TYW1B: variants seen among roughly 807,000 people sequenced by gnomAD.
The protein encoded by TYW1B is tRNA-yW synthesizing protein 1 homolog B, also known as S-adenosyl-L-methionine-dependent tRNA 4-demethylwyosine synthase TYW1B.
In TYW1B, 73 loss-of-function variants were observed where a neutral mutation model predicts 86.9. The ratio of observed to expected loss-of-function variants is 0.84; its 90% CI spans 0.70 to 1.02. TYW1B has a LOEUF of 1.02. TYW1B is among the 50% of genes least tolerant of loss of function. TYW1B has a pLI of 0.00. For synonymous variants in TYW1B, 248 were observed against 292.8 expected, an observed-to-expected ratio of 0.85 and a Z score of 1.56; for missense variants, 637 against 827.4, an observed-to-expected ratio of 0.77 and a Z score of 2.82.
intron 12 of TYW1B, among the ~76,000 whole-genome samples, chr7:72,623,144 T>C (rs1316285570): frequency 6.6e-6 from 1 of 152,230 alleles, no homozygotes; most frequent in Non-Finnish European, 1.5e-5. Flanking sequence ...AAACTGGATT[T>C]AGAAATTTGT....
At chr7:72,595,185 G>C (rs1331090564) in intron 13 of TYW1B, among the ~76,000 whole-genome samples, 2 of 152,064 alleles carry the variant, frequency 1.3e-5, no homozygotes, top group Non-Finnish European at 2.9e-5. Context: ...AATTGGAGAG[G>C]AAAAAGTAAA....
In TYW1B at chr7:72,601,353, C is replaced by CA. The variant is rs1292898911; in HGVS notation, c.1785+15318dup. On this transcript the variant is annotated intron_variant, in intron 13 of 13. Coordinates refer to ENST00000620995, the MANE Select transcript of TYW1B (RefSeq NM_001145440.3). ...AATAGCTAAACCTCAAAAAAAAAAA[C>CA]AAAAAAAACCTGATATACACCAAAT... Among the ~76,000 whole-genome samples, 23 of 146,456 alleles carry CA rather than the reference C, an allele frequency of 1.6e-4. 1 individual carries two copies. Among genetic ancestry groups the CA allele is most frequent in the Admixed American group, 8.8e-4 (13 of 14,830 alleles).
At chr7:72,612,628 G>A (rs1310816216) in intron 13 of TYW1B, among the ~76,000 whole-genome samples, 1 of 152,142 alleles carries the variant, frequency 6.6e-6, no homozygotes, top group Non-Finnish European at 1.5e-5. Context: ...TGGACACCAG[G>A]TACCAAGTGT....
At chr7:72,637,661 T>C (rs529011581) in intron 11 of TYW1B, among the ~76,000 whole-genome samples, 1 of 151,784 alleles carries the variant, frequency 6.6e-6, no homozygotes, top group Non-Finnish European at 1.5e-5. Context: ...AAGTACTTAC[T>C]CTATGTTTAA....
intron 7 of TYW1B, among the ~76,000 whole-genome samples, chr7:72,759,160 G>T (rs1484054735): frequency 6.6e-6 from 1 of 152,084 alleles, no homozygotes; most frequent in African/African-American, 2.4e-5. Flanking sequence ...GCGAAACCTC[G>T]TATCTACCAA....
At chr7:72,784,504 T>G (rs1243288602) in intron 6 of TYW1B, among the ~76,000 whole-genome samples, 3 of 152,178 alleles carry the variant, frequency 2.0e-5, no homozygotes, top group Non-Finnish European at 4.4e-5. Context: ...CTTTTTTCCT[T>G]TATTCTTTGA....
At chr7:72,626,146 T>C (rs1812344399) in intron 12 of TYW1B, among the ~76,000 whole-genome samples, 1 of 151,370 alleles carries the variant, frequency 6.6e-6, no homozygotes. Flanking sequence ...TTAAGTGCAA[T>C]TTCAAGAGTG....
chr7:72,800,608 T>A (rs1788387510), intron 6 of TYW1B, among the ~76,000 whole-genome samples: 3 of 151,540 alleles, frequency 2.0e-5, no homozygotes, highest in Non-Finnish European at 4.4e-5. Context: ...GTTGCAAGGG[T>A]CTTTGTCTCA....
chr7:72,705,932 T>G (rs1814598204), intron 10 of TYW1B, among the ~76,000 whole-genome samples: 1 of 152,182 alleles, frequency 6.6e-6, no homozygotes, highest in African/African-American at 2.4e-5. Context: ...CATGGAATCT[T>G]CCATCGCAGC....
chr7:72,591,973 G>A (rs36073066), intron 13 of TYW1B, among the ~76,000 whole-genome samples: 13 of 151,666 alleles, frequency 8.6e-5, no homozygotes, highest in Admixed American at 7.2e-4. Flanking sequence ...ACAGGCGCCC[G>A]CCACAATGCC....
rs202113253 is a variant in TYW1B at position 72,723,989 on chromosome 7, GT to G, written c.1192+4832del. Among the ~76,000 whole-genome samples the G allele has an allele frequency of 1.9e-4, 27 of 143,162 alleles. No homozygotes were observed. In the East Asian group the frequency reaches 4.4e-3, roughly 23 times the overall value. 93.9% of individuals were successfully genotyped at this position (143,162 alleles called of 152,430 possible). On this transcript the variant is annotated intron_variant, in intron 9 of 13. Coordinates refer to ENST00000620995, the MANE Select transcript of TYW1B (RefSeq NM_001145440.3). Reference sequence around the variant, plus strand: ...TGCACTTTACCCTTTACTAATTAGGGTTTTTTTTTCTTTTCTATTATCATAA... The same window carrying G: ...TGCACTTTACCCTTTACTAATTAGGGTTTTTTTTCTTTTCTATTATCATAA...
intron 6 of TYW1B, among the ~76,000 whole-genome samples, chr7:72,786,176 T>G (rs1274147490): frequency 3.9e-5 from 6 of 152,116 alleles, no homozygotes; most frequent in Non-Finnish European, 7.4e-5. Context: ...AAAACCTTCA[T>G]TGCCAAGTTT....
At chr7:72,585,283 A>T (rs1358018928) in intron 13 of TYW1B, among the ~76,000 whole-genome samples, 1 of 152,222 alleles carries the variant, frequency 6.6e-6, no homozygotes, top group East Asian at 1.9e-4. Context: ...AAAAGTTCTA[A>T]TCATACAAAG....
intron 12 of TYW1B, among the ~76,000 whole-genome samples, chr7:72,617,512 G>A (rs1410427153): frequency 2.6e-5 from 4 of 151,954 alleles, no homozygotes; most frequent in South Asian, 2.1e-4. Context: ...GATTACAGGC[G>A]CCTGCCACCA....
chr7:72,640,400 A>AT (rs1485638507), intron 11 of TYW1B, among the ~76,000 whole-genome samples: 4 of 152,128 alleles, frequency 2.6e-5, no homozygotes, highest in Non-Finnish European at 5.9e-5. Flanking sequence ...TAAATCATGA[A>AT]TACTGACTGC....
At chr7:72,765,376 G>C (rs782453441) in intron 7 of TYW1B, among the ~76,000 whole-genome samples, 6 of 152,116 alleles carry the variant, frequency 3.9e-5, no homozygotes, top group Non-Finnish European at 8.8e-5. Context: ...TGTTATCTAC[G>C]TGTAGACTGG....
At chr7:72,766,128 T>A (rs1554468294) in intron 7 of TYW1B, among the ~76,000 whole-genome samples, 1 of 152,220 alleles carries the variant, frequency 6.6e-6, no homozygotes, top group Non-Finnish European at 1.5e-5. Flanking sequence ...TACACCTGGA[T>A]AAATTCCTCT....
chr7:72,709,560 C>T (rs1814698108), intron 10 of TYW1B, among the ~76,000 whole-genome samples: 3 of 151,934 alleles, frequency 2.0e-5, no homozygotes, highest in Admixed American at 2.0e-4. Context: ...CCCAGCTACT[C>T]GGGAGGCTGA....
At position 72,810,554 on chromosome 7, in the gene TYW1B, G is replaced by A. The variant is rs782726565; in HGVS notation, c.349C>T (p.Arg117Ter). 1.9e-5 allele frequency: 30 copies of A among 1,613,890 alleles called. 1 individual carries two copies. Among genetic ancestry groups the A allele is most frequent in the South Asian group, 9.9e-5 (9 of 91,076 alleles). The change falls in exon 4 of 14, where the codon CGA becomes TGA. Residue 117 changes from arginine (R) to a stop codon, truncating the protein, a stop_gained. Coordinates refer to ENST00000620995, the MANE Select transcript of TYW1B (RefSeq NM_001145440.3). LOFTEE classifies it high-confidence loss of function. ...KWLEEASIDFRFGKTYLKGMR... is the reference protein window; with the variant it reads ...KWLEEASIDF Reference sequence around the variant, plus strand: ...CCCTTCAGGTAAGTTTTGCCAAATCGAAAATCAATGGATGCTTCCTCTAAC... The same window carrying A: ...CCCTTCAGGTAAGTTTTGCCAAATCAAAAATCAATGGATGCTTCCTCTAAC...
Sources: allele counts gnomAD v4.1 joint callset (sites outside exome capture counted in the v4.1 genomes callset), GRCh38; gene constraint gnomAD v4.1.1; transcripts MANE v1.5; gene names NCBI Gene and HGNC (gene_info 2026-07-23, HGNC 2026-07-21).